The following CHD6 variants were observed in gnomAD, a reference collection of about 807,000 sequenced individuals.
CHD6 encodes chromodomain helicase DNA binding protein 6.
In CHD6, 50 loss-of-function variants were observed where a neutral mutation model predicts 276.9. That is an observed-to-expected ratio of 0.18 (90% confidence interval 0.14 to 0.23). The LOEUF is 0.23. Among genes scored for constraint, CHD6 ranks in the 10% least tolerant of loss-of-function variants. The probability of loss-of-function intolerance (pLI) is 1.00; values close to 1 mark genes in which losing one functional copy is unlikely to be tolerated. For missense variants in CHD6, 2,564 were observed against 3,365.8 expected, an observed-to-expected ratio of 0.76 and a Z score of 5.89; for synonymous variants, 1,173 against 1,229.3, an observed-to-expected ratio of 0.95 and a Z score of 0.96.
At chr20:41,603,452 A>C (rs1180846898) in intron 1 of CHD6, among the ~76,000 whole-genome samples, 1 of 152,220 alleles carries the variant, frequency 6.6e-6, no homozygotes, top group Non-Finnish European at 1.5e-5. Context: ...CAAGATTACA[A>C]AACTCTAGTT....
At position 41,508,954 on chromosome 20, in the gene CHD6, C is replaced by T. The variant is rs538173799; in HGVS notation, c.852+3892G>A. Among the ~76,000 whole-genome samples the T allele has an allele frequency of 3.3e-5, 5 of 152,216 alleles. No homozygotes were observed. In the East Asian group the frequency reaches 7.7e-4, roughly 24 times the overall value. On this transcript the variant is annotated intron_variant, in intron 5 of 36. Coordinates refer to ENST00000373233, the MANE Select transcript of CHD6 (RefSeq NM_032221.5). ...AGTTTTAAACATATTTATTCACTCA[C>T]TGAATAAGTTATTTGATAAGTTCAA...
At chr20:41,545,350 A>C (rs966772377) in intron 2 of CHD6, among the ~76,000 whole-genome samples, 1 of 152,184 alleles carries the variant, frequency 6.6e-6, no homozygotes, top group African/African-American at 2.4e-5. Flanking sequence ...AAATATATTA[A>C]GATATGTTCA....
rs1223647973 is a variant in CHD6 at position 41,589,362 on chromosome 20, G to A, written c.-24+28978C>T. ...TATTCAACATAGTGTTGGAAGTTCT[G>A]GCCAGGGCAATCAGGCAGGAGAAAG... is the stretch of plus-strand genomic sequence containing the variant. On this transcript the variant is annotated intron_variant, in intron 1 of 36. Transcript: ENST00000373233. Among the ~76,000 whole-genome samples the A allele has an allele frequency of 3.3e-5, 5 of 152,086 alleles. No homozygotes were observed. In the East Asian group the frequency reaches 9.6e-4, roughly 29 times the overall value.
intron 1 of CHD6, among the ~76,000 whole-genome samples, chr20:41,586,175 T>C (rs912564963): frequency 6.6e-6 from 1 of 152,222 alleles, no homozygotes; most frequent in Non-Finnish European, 1.5e-5. Flanking sequence ...TTCACTCTTA[T>C]TAAATCTTGC....
chr20:41,604,402 T>C (rs2045805968), intron 1 of CHD6, among the ~76,000 whole-genome samples: 1 of 152,168 alleles, frequency 6.6e-6, no homozygotes. Flanking sequence ...TTAATAGTTT[T>C]TTAAAAATTA....
chr20:41,541,503 T>TA (rs2044941338), intron 2 of CHD6, among the ~76,000 whole-genome samples: 1 of 152,134 alleles, frequency 6.6e-6, no homozygotes, highest in African/African-American at 2.4e-5. Flanking sequence ...AAGAATGAAT[T>TA]AGACTGCCCA....
intron 1 of CHD6, among the ~76,000 whole-genome samples, chr20:41,561,992 C>A (rs2045306289): frequency 6.6e-6 from 1 of 152,056 alleles, no homozygotes. Context: ...GAGAATTCCT[C>A]TGGTATTATT....
In CHD6 at chr20:41,553,514, C is replaced by T. The variant is rs567602431; in HGVS notation, c.-23-2154G>A. Among the ~76,000 whole-genome samples, 16 of 152,296 alleles carry T rather than the reference C, an allele frequency of 1.1e-4. No individual in the cohort carries two copies. In the East Asian group the frequency reaches 3.1e-3, roughly 29 times the overall value. On this transcript the variant is annotated intron_variant, in intron 1 of 36. Transcript: ENST00000373233. The stretch of plus-strand genomic sequence containing the variant: ...AACTTCCTCTCCTTCTTTGTTCTTC[C>T]CCACACTTACCTATTTAGGAAAGTT...
chr20:41,450,879 G>C (rs538347899), intron 23 of CHD6, 67 bp downstream of exon 23: 1 of 1,431,800 alleles, frequency 7.0e-7, no homozygotes, highest in East Asian at 2.3e-5. Flanking sequence ...TCTCCCTGTG[G>C]GGTTCCCAGG....
chr20:41,484,213 G>T, intron 15 of CHD6, 139 bp downstream of exon 15: 1 of 1,127,716 alleles, frequency 8.9e-7, no homozygotes, highest in Non-Finnish European at 1.3e-6. Flanking sequence ...CTGAATCTCA[G>T]TTTTATACTC....
intron 27 of CHD6, among the ~76,000 whole-genome samples, chr20:41,426,638 A>G (rs1013748940): frequency 6.6e-6 from 1 of 152,222 alleles, no homozygotes; most frequent in Admixed American, 6.5e-5. Flanking sequence ...TTCATAAAAC[A>G]CTACTGCTCC....
At chr20:41,426,683 T>C (rs2047375368) in intron 27 of CHD6, among the ~76,000 whole-genome samples, 2 of 152,182 alleles carry the variant, frequency 1.3e-5, no homozygotes, top group African/African-American at 2.4e-5. Flanking sequence ...ACCCCAGGAA[T>C]TTAAAATTAA....
intron 3 of CHD6, 102 bp from the exon 4 acceptor site, chr20:41,515,054 A>T: frequency 7.9e-7 from 1 of 1,258,818 alleles, no homozygotes; most frequent in Non-Finnish European, 1.1e-6. Flanking sequence ...TTCTAGGACC[A>T]GGGCAGGCTT....
intron 34 of CHD6, 105 bp from the exon 35 acceptor site, chr20:41,413,620 A>G: frequency 1.0e-6 from 1 of 973,728 alleles, no homozygotes. Flanking sequence ...ACCTATTTCC[A>G]CCCTGATATT....
At chr20:41,512,502 G>C (rs2044143878) in intron 5 of CHD6, among the ~76,000 whole-genome samples, 1 of 151,208 alleles carries the variant, frequency 6.6e-6, no homozygotes, top group Admixed American at 6.6e-5. Context: ...CCAAGCAGAA[G>C]GAACAACAGA....
intron 13 of CHD6, 81 bp downstream of exon 13, chr20:41,488,347 A>T: frequency 8.1e-7 from 1 of 1,236,712 alleles, no homozygotes; most frequent in Non-Finnish European, 1.1e-6. Flanking sequence ...GAAATAAGTT[A>T]CATGCAGAAT....
intron 26 of CHD6, among the ~76,000 whole-genome samples, chr20:41,438,306 G>A (rs1316636601): frequency 1.3e-5 from 2 of 152,158 alleles, no homozygotes; most frequent in African/African-American, 2.4e-5. Flanking sequence ...AACTGACTTT[G>A]AGGGTGGGTG....
intron 24 of CHD6, among the ~76,000 whole-genome samples, chr20:41,446,420 G>A (rs1289409549): frequency 7.1e-6 from 1 of 140,968 alleles, no homozygotes; most frequent in Admixed American, 7.0e-5. Flanking sequence ...ACATGCAGGT[G>A]TTAGCCCCTC....
At position 41,491,725 on chromosome 20, in the gene CHD6, T is replaced by C; in HGVS notation, c.1409A>G (p.Asn470Ser). ...GTTATACCAGTTAAAAAGAAGCCAG[T>C]TCATCCCTTCCAGCTGGTACTCCCG... ...QLREYQLEGM[N>S]WLLFNWYNRK... Residue 470 changes from asparagine to serine, a missense_variant, in exon 11 of 37, where the codon AAC (asparagine) becomes AGC (serine). Around this residue, in one of 7 missense-constraint regions of CHD6, gnomAD observed 457 missense variants for 889.0 expected, o/e 0.51. Transcript: ENST00000373233. The C allele has an allele frequency of 6.2e-7, 1 of 1,613,860 alleles. No homozygotes were observed. The highest frequency in any genetic ancestry group is 1.1e-5 in the South Asian group (1 of 91,072).
Sources: gnomAD v4.1 joint callset for allele counts (sites outside exome capture counted in the v4.1 genomes callset) on GRCh38, gnomAD v4.1.1 for gene constraint, gnomAD v4.1.1 regional missense constraint, MANE v1.5 for transcripts, NCBI Gene and HGNC (gene_info 2026-07-23, HGNC 2026-07-21) for gene names.